The following PDGFC variants were observed in gnomAD, a reference collection of about 807,000 sequenced individuals.
The protein encoded by PDGFC is platelet derived growth factor C.
In PDGFC, 12 loss-of-function variants were observed where a neutral mutation model predicts 35.5. That is an observed-to-expected ratio of 0.34 (90% CI 0.22 to 0.55). The LOEUF (loss-of-function observed/expected upper bound fraction) is 0.55. Ranked by LOEUF, PDGFC falls within the 20% of genes least tolerant of loss-of-function variation. PDGFC has a pLI of 0.91. For missense variants in PDGFC, 322 were observed against 412.4 expected, an observed-to-expected ratio of 0.78 and a Z score of 1.90; for synonymous variants, 159 against 148.8, an observed-to-expected ratio of 1.07 and a Z score of -0.50.
chr4:156,960,252 T>TTATATA (rs202066963), intron 1 of PDGFC, among the ~76,000 whole-genome samples: 1,630 of 137,094 alleles, frequency 0.012, 39 homozygotes, highest in African/African-American at 0.043. Context: ...TATATAACTG[T>TTATATA]TATATATATA....
intron 1 of PDGFC, among the ~76,000 whole-genome samples, chr4:156,855,908 T>G (rs1729569280): frequency 6.6e-6 from 1 of 152,172 alleles, no homozygotes; most frequent in Non-Finnish European, 1.5e-5. Flanking sequence ...AAATGCAGAG[T>G]AATTTCATCC....
At chr4:156,957,489 T>C (rs1732240813) in intron 1 of PDGFC, among the ~76,000 whole-genome samples, 1 of 151,986 alleles carries the variant, frequency 6.6e-6, no homozygotes, top group Admixed American at 6.6e-5. Flanking sequence ...TTTCTCTCTC[T>C]CCTTCCTTGG....
chr4:156,826,173 G>GTTTTT (rs1732467004), intron 2 of PDGFC, among the ~76,000 whole-genome samples: 3 of 76,010 alleles, frequency 3.9e-5, no homozygotes, highest in Non-Finnish European at 7.6e-5. Context: ...CTTTGAGTTG[G>GTTTTT]ATTTTTTTTT....
chr4:156,884,673 T>C (rs1234357132), intron 1 of PDGFC, among the ~76,000 whole-genome samples: 1 of 152,254 alleles, frequency 6.6e-6, no homozygotes, highest in East Asian at 1.9e-4. Flanking sequence ...GGTATTTGTA[T>C]ACTGATTTGC....
chr4:156,777,486 G>T (rs1730860242), intron 3 of PDGFC, among the ~76,000 whole-genome samples: 1 of 152,064 alleles, frequency 6.6e-6, no homozygotes, highest in Non-Finnish European at 1.5e-5. Flanking sequence ...TATAGTAAGA[G>T]AACATTTTAA....
chr4:156,971,338 G>A lies in PDGFC; in HGVS notation c.-435C>T, dbSNP rs1006100347. The A allele has an allele frequency of 5.0e-6, 2 of 399,152 alleles. No individual in the cohort carries two copies. The highest frequency in any genetic ancestry group is 4.4e-5 in the Admixed American group (1 of 22,880). The allele number at this position is 399,152 out of a possible 1,614,324, so 24.7% of individuals were successfully genotyped here. A position where few individuals can be genotyped will look rare whatever the true frequency, so the allele number is the denominator to read the frequency against. On this transcript the variant is annotated 5_prime_UTR_variant, in exon 1 of 6. Coordinates refer to ENST00000502773, the MANE Select transcript of PDGFC (RefSeq NM_016205.3). ...CCGCAGCCAGACTGGAAGCCAAGTC[G>A]GCGGCGAGCAGTTTCTGATCAATAA...
chr4:156,854,301 T>A (rs1381709338), intron 1 of PDGFC, among the ~76,000 whole-genome samples: 1 of 152,200 alleles, frequency 6.6e-6, no homozygotes, highest in African/African-American at 2.4e-5. Context: ...ACTACATAGC[T>A]ATTAAAAGAT....
intron 1 of PDGFC, among the ~76,000 whole-genome samples, chr4:156,877,743 A>C (rs570998115): frequency 2.0e-5 from 3 of 152,312 alleles, no homozygotes; most frequent in East Asian, 1.9e-4. Flanking sequence ...ATGGGAAATA[A>C]AATAAAATAT....
chr4:156,958,706 A>T (rs138856355), intron 1 of PDGFC, among the ~76,000 whole-genome samples: 1 of 152,076 alleles, frequency 6.6e-6, no homozygotes, highest in Admixed American at 6.6e-5. Context: ...GCAGCACAAC[A>T]TATTTTTATA....
At chr4:156,856,350 T>C (rs577568462) in intron 1 of PDGFC, among the ~76,000 whole-genome samples, 8 of 152,260 alleles carry the variant, frequency 5.3e-5, no homozygotes, top group Non-Finnish European at 1.2e-4. Flanking sequence ...AATTATATAA[T>C]GAGAACCTAT....
At chr4:156,928,648 T>C (rs1731475716) in intron 1 of PDGFC, among the ~76,000 whole-genome samples, 1 of 152,204 alleles carries the variant, frequency 6.6e-6, no homozygotes, top group Non-Finnish European at 1.5e-5. Flanking sequence ...TCTATACTTG[T>C]CTCCAGAAAT....
chr4:156,948,505 G>A (rs892318846), intron 1 of PDGFC, among the ~76,000 whole-genome samples: 4 of 151,812 alleles, frequency 2.6e-5, no homozygotes, highest in African/African-American at 9.7e-5. Flanking sequence ...AAAAAGTCTT[G>A]GCATATTAAG....
chr4:156,791,717 T>C (rs1335419830), intron 3 of PDGFC, among the ~76,000 whole-genome samples: 1 of 152,220 alleles, frequency 6.6e-6, no homozygotes, highest in Non-Finnish European at 1.5e-5. Context: ...TGTTAACTAT[T>C]TAGCTTTAAT....
chr4:156,954,584 T>C (rs775369739), intron 1 of PDGFC, among the ~76,000 whole-genome samples: 8 of 152,042 alleles, frequency 5.3e-5, no homozygotes, highest in Non-Finnish European at 1.0e-4. Context: ...TAAAACTTTA[T>C]CCTAAAGTTC....
Position 156,827,273 on chromosome 4 carries a change from C to T in PDGFC, c.315-16256G>A, listed in dbSNP as rs978830257. ...TCTACTAAAAATACAAAAAATTAGC[C>T]GGGTGTGGTGGCGGGCACCTGTAGT... On this transcript the variant is annotated intron_variant, in intron 2 of 5. Transcript: ENST00000502773. 1.3e-4 allele frequency among the ~76,000 whole-genome samples: 19 copies of T among 151,992 alleles called. No individual in the cohort carries two copies. In the East Asian group the frequency reaches 3.3e-3, roughly 26 times the overall value.
In PDGFC at chr4:156,765,967, T is replaced by C. The variant is rs373981053; in HGVS notation, c.921+1806A>G. ...GTATGAGGGTTGGAGACTCACCTTA[T>C]AGATGAGGAATTTAGGCACGAGGGC... On this transcript the variant is annotated intron_variant, in intron 5 of 5. Transcript: ENST00000502773. Among the ~76,000 whole-genome samples, 40 of 152,222 alleles carry C rather than the reference T, an allele frequency of 2.6e-4. No individual in the cohort carries two copies. The South Asian group carries it at 7.7e-3, about 29-fold the overall frequency.
chr4:156,770,418 T>C (rs1466163666), intron 4 of PDGFC: 1 of 152,054 alleles, frequency 6.6e-6, no homozygotes, highest in Non-Finnish European at 1.5e-5. Context: ...TTCAAACGCA[T>C]ATAAGCTTCA....
At chr4:156,878,944 A>G (rs542967963) in intron 1 of PDGFC, among the ~76,000 whole-genome samples, 4 of 152,300 alleles carry the variant, frequency 2.6e-5, no homozygotes, top group African/African-American at 9.6e-5. Flanking sequence ...GATGCTTGAC[A>G]CTTTATAGGT....
At chr4:156,783,057 TC>T (rs551515777) in intron 3 of PDGFC, among the ~76,000 whole-genome samples, 110 of 152,240 alleles carry the variant, frequency 7.2e-4, no homozygotes, top group Middle Eastern at 3.4e-3. Context: ...TCAAAGTTAA[TC>T]TAGAGCTTAG....
Sources: gnomAD v4.1 joint callset for allele counts (sites outside exome capture counted in the v4.1 genomes callset) on GRCh38, gnomAD v4.1.1 for gene constraint, MANE v1.5 for transcripts, NCBI Gene and HGNC (gene_info 2026-07-23, HGNC 2026-07-21) for gene names.